ANKRD36C: variants seen among roughly 807,000 people sequenced by gnomAD.
The protein encoded by ANKRD36C is ankyrin repeat domain-containing protein 36C.
ANKRD36C carries 61 observed loss-of-function variants against 276.4 expected under a neutral mutation model. That is an observed-to-expected ratio of 0.22 (90% confidence interval 0.18 to 0.27). The LOEUF is 0.27. ANKRD36C is among the 10% of genes least tolerant of loss of function. ANKRD36C has a pLI of 1.00. For synonymous variants in ANKRD36C, 483 were observed against 680.1 expected (o/e 0.71, Z 4.51); for missense variants, 1,447 against 2,032.3 (o/e 0.71, Z 5.54).
At chr2:95,921,343 C>T (rs1677262063) in intron 34 of ANKRD36C, among the ~76,000 whole-genome samples, 1 of 151,218 alleles carries the variant, frequency 6.6e-6, no homozygotes, top group Non-Finnish European at 1.5e-5. Context: ...CCCAGAGCCC[C>T]TTATGTCTTG....
chr2:95,908,690 A>T lies in ANKRD36C; in HGVS notation c.2653+3554T>A, dbSNP rs183934154. The T allele has an allele frequency of 4.8e-4, 743 of 1,553,520 alleles. 9 individuals carry two copies. Among genetic ancestry groups the T allele is most frequent in the Admixed American group, 7.6e-4 (40 of 52,440 alleles). ...TTACCTTCAAGCCTGGTGGTTGCTC[A>T]GAAGACACTGAAAAGTAAAAGGGAT... On this transcript the variant is annotated intron_variant, in intron 42 of 66. Coordinates refer to ENST00000456556, the Ensembl canonical transcript of ANKRD36C.
At chr2:95,991,697 C>T (rs761014272) in exon 1 of ANKRD36C, 19 of 1,613,186 alleles carry the variant, frequency 1.2e-5, no homozygotes, top group Non-Finnish European at 1.6e-5. Flanking sequence ...TCTTCGGCTC[C>T]TTGTCATCCA....
intron 44 of ANKRD36C, chr2:95,894,098 T>C (rs556491347): frequency 3.3e-6 from 1 of 302,344 alleles, no homozygotes; most frequent in East Asian, 7.0e-5. Flanking sequence ...CACATTTCTT[T>C]CATGCAACAA....
chr2:95,865,268 C>A (rs1675662373), intron 60 of ANKRD36C, among the ~76,000 whole-genome samples: 1 of 151,936 alleles, frequency 6.6e-6, no homozygotes, highest in Admixed American at 6.6e-5. Context: ...GTTAAGATGT[C>A]AATTCTCCCC....
chr2:95,971,064 G>C (rs2918853), intron 6 of ANKRD36C, among the ~76,000 whole-genome samples: 5 of 152,190 alleles, frequency 3.3e-5, no homozygotes, highest in South Asian at 2.1e-4. Context: ...ACATTCAACT[G>C]TCTTGGAAAT....
chr2:95,929,031 T>G (rs780186814), intron 26 of ANKRD36C, 41 bp downstream of exon 26: 3 of 1,599,528 alleles, frequency 1.9e-6, no homozygotes, highest in Non-Finnish European at 2.5e-6. Flanking sequence ...TTCTCTTCCA[T>G]CTTGATTGAA....
chr2:95,922,064 G>C (rs1455139545), intron 32 of ANKRD36C, among the ~76,000 whole-genome samples: 15 of 151,684 alleles, frequency 9.9e-5, no homozygotes, highest in African/African-American at 2.7e-4. Context: ...AAATCAGTGT[G>C]AATATCAAAA....
chr2:95,921,664 C>T (rs1558640929), exon 34 of ANKRD36C: 12 of 1,608,234 alleles, frequency 7.5e-6, no homozygotes, highest in Admixed American at 1.7e-5. Context: ...ACAGAATCTT[C>T]CTCGTCAGTT....
chr2:95,912,067 G>A (rs551198995), intron 42 of ANKRD36C, among the ~76,000 whole-genome samples, 177 bp downstream of exon 44: 16 of 151,484 alleles, frequency 1.1e-4, no homozygotes, highest in African/African-American at 2.9e-4. Flanking sequence ...ATCTTACAGT[G>A]AAGATCATGT....
At chr2:95,927,764 CAT>C (rs996143937) in intron 26 of ANKRD36C, among the ~76,000 whole-genome samples, 20 of 151,788 alleles carry the variant, frequency 1.3e-4, no homozygotes, top group East Asian at 1.9e-4. Context: ...CATTATCCCA[CAT>C]GTCTTTCTTG....
intron 44 of ANKRD36C, 81 bp from the exon 65 acceptor site, chr2:95,891,941 A>G: frequency 6.5e-7 from 1 of 1,541,556 alleles, no homozygotes; most frequent in Non-Finnish European, 8.8e-7. Context: ...GTTAGCATCA[A>G]CCTCTGTCCT....
chr2:95,963,958 AAT>A (rs1275080152), intron 6 of ANKRD36C, among the ~76,000 whole-genome samples: 34 of 63,580 alleles, frequency 5.3e-4, no homozygotes, highest in Middle Eastern at 6.1e-3. Context: ...TATATATATA[AAT>A]ATATATATAT....
At chr2:95,887,182 C>T (rs1676220979) in intron 50 of ANKRD36C, among the ~76,000 whole-genome samples, 1 of 151,600 alleles carries the variant, frequency 6.6e-6, no homozygotes. Context: ...TCAATGAAGC[C>T]AATGTATTCA....
intron 60 of ANKRD36C, 57 bp from the exon 81 acceptor site, chr2:95,860,131 A>G: frequency 8.6e-7 from 1 of 1,168,752 alleles, no homozygotes; most frequent in Non-Finnish European, 1.2e-6. Flanking sequence ...TTTTGGATAT[A>G]AAGGACTGTG....
rs565129095 is a variant in ANKRD36C at position 95,912,389 on chromosome 2, G to A, written c.2580+18C>T. The A allele has an allele frequency of 3.2e-4, 510 of 1,603,628 alleles. 7 individuals are homozygous for A. In the South Asian group the frequency reaches 5.1e-3, roughly 16 times the overall value. On this transcript the variant is annotated intron_variant, in intron 41 of 66. Coordinates refer to ENST00000456556, the Ensembl canonical transcript of ANKRD36C. ...CTTTACGTTTACTAGCTCACAATAT[G>A]AATGAGAGTTTCATTACCTTCAAGG...
At position 95,885,236 on chromosome 2, in the gene ANKRD36C, T is replaced by C. The variant is rs570341523; in HGVS notation, c.3163+812A>G. ...TATAATAGTCTTGTTGGGAGTATCA[T>C]GCTATTCTCTAAAGAAGTTTCATCC... On this transcript the variant is annotated intron_variant, in intron 52 of 66. Transcript: ENST00000456556. Among the ~76,000 whole-genome samples the C allele has an allele frequency of 2.0e-5, 3 of 151,772 alleles. No homozygotes were observed. In the East Asian group the frequency reaches 5.8e-4, roughly 30 times the overall value.
chr2:95,892,522 C>T (rs564747062), intron 44 of ANKRD36C, among the ~76,000 whole-genome samples: 5 of 151,442 alleles, frequency 3.3e-5, no homozygotes, highest in Non-Finnish European at 7.4e-5. Context: ...AGTCGTGGCA[C>T]CAAAGGACAA....
At chr2:95,962,181 G>A (rs1307976376) in intron 8 of ANKRD36C, among the ~76,000 whole-genome samples, 171 bp downstream of exon 8, 1 of 152,004 alleles carries the variant, frequency 6.6e-6, no homozygotes, top group East Asian at 1.9e-4. Flanking sequence ...CTCAGATCAT[G>A]GCCAAGGACC....
intron 38 of ANKRD36C, 121 bp downstream of exon 40, chr2:95,915,859 A>G (rs1320408056): frequency 2.2e-6 from 3 of 1,342,212 alleles, no homozygotes; most frequent in Non-Finnish European, 3.1e-6. Flanking sequence ...ATTAGAAATG[A>G]AGAATCTCAG....
Sources: allele counts gnomAD v4.1 joint callset (sites outside exome capture counted in the v4.1 genomes callset), GRCh38; gene constraint gnomAD v4.1.1; transcripts MANE v1.5; gene names NCBI Gene and HGNC (gene_info 2026-07-23, HGNC 2026-07-21).